Variants in SCNN1B observed in about 807,000 individuals in gnomAD.
SCNN1B encodes sodium channel epithelial 1 subunit beta.
A neutral mutation model predicts 65.3 loss-of-function variants in SCNN1B; 46 were observed. That is an observed-to-expected ratio of 0.70 (90% CI 0.56 to 0.90). The LOEUF (loss-of-function observed/expected upper bound fraction) is 0.90. Ranked by LOEUF, SCNN1B falls within the 40% of genes least tolerant of loss-of-function variation. The probability of loss-of-function intolerance (pLI) is 0.00; values close to 1 mark genes in which losing one functional copy is unlikely to be tolerated. For missense variants in SCNN1B, 751 were observed against 830.5 expected (o/e 0.90, Z 1.18); for synonymous variants, 349 against 330.6 (o/e 1.06, Z -0.60).
At chr16:23,330,506 G>A (rs1366384992) in intron 1 of SCNN1B, among the ~76,000 whole-genome samples, 3 of 152,178 alleles carry the variant, frequency 2.0e-5, no homozygotes, top group African/African-American at 7.2e-5. Context: ...CCTGTTCTCT[G>A]TGCAGTGCCT....
At chr16:23,298,850 C>T (rs1365493169), upstream of SCNN1B, among the ~76,000 whole-genome samples, 1 of 152,084 alleles carries the variant, frequency 6.6e-6, no homozygotes, top group African/African-American at 2.4e-5. Flanking sequence ...TCCCAGACAT[C>T]CCAAAACTCC....
rs1273755111 is a variant in SCNN1B at position 23,348,984 on chromosome 16, C to T, written c.311+74C>T. On this transcript the variant is annotated intron_variant, in intron 2 of 12. Coordinates refer to ENST00000343070, the MANE Select transcript of SCNN1B (RefSeq NM_000336.3). The surrounding 1 kb of genome is among the most constrained non-coding windows in gnomAD (Gnocchi z 4.5). ...CTTTCTCTCTTTTCTTCCCTTCTAC[C>T]TTTCCTTTCCTTCCTTTCCTTCCTT... 2.4e-6 allele frequency: 3 copies of T among 1,231,986 alleles called. No individual in the cohort carries two copies. The highest frequency in any genetic ancestry group is 3.4e-5 in the Admixed American group (2 of 58,566). 76.3% of individuals were successfully genotyped at this position (1,231,986 alleles called of 1,614,324 possible). A position where few individuals can be genotyped will look rare whatever the true frequency, so the allele number is the denominator to read the frequency against.
chr16:23,371,592 G>A, intron 6 of SCNN1B, 130 bp downstream of exon 6: 1 of 1,121,810 alleles, frequency 8.9e-7, no homozygotes, highest in Non-Finnish European at 1.3e-6. Flanking sequence ...CCTTTTGGCT[G>A]GAATCCCCCC....
chr16:23,333,862 C>G lies in SCNN1B; in HGVS notation c.-8-14730C>G, dbSNP rs139160576. ...AAAATAAAGACTCAGAGAGACCAAC[C>G]TATTTACGTCATGGATTGAGCCCCT... On this transcript the variant is annotated intron_variant, in intron 1 of 12. Transcript: ENST00000343070. 5.2e-3 allele frequency among the ~76,000 whole-genome samples: 796 copies of G among 152,270 alleles called. 9 individuals are homozygous for G. The highest frequency in any genetic ancestry group is 0.017 in the African/African-American group (706 of 41,560).
intron 3 of SCNN1B, 105 bp downstream of exon 3, chr16:23,353,179 T>C: frequency 7.4e-7 from 1 of 1,352,294 alleles, no homozygotes; most frequent in African/African-American, 1.4e-5. Context: ...AAAGACAAGA[T>C]GGAAGCCAGA....
intron 1 of SCNN1B, among the ~76,000 whole-genome samples, chr16:23,314,817 G>A (rs72652288): frequency 0.031 from 4,784 of 152,278 alleles, 233 homozygotes; most frequent in African/African-American, 0.11. Flanking sequence ...ATTTTCCCTG[G>A]AGGCCTGGCT....
chr16:23,303,960 T>G, intron 1 of SCNN1B: 1 of 869,708 alleles, frequency 1.1e-6, no homozygotes, highest in East Asian at 2.6e-5. Flanking sequence ...AACCCACCTA[T>G]GTCATTCTGC....
At chr16:23,376,442 T>A in intron 8 of SCNN1B, among the ~76,000 whole-genome samples, 1 of 151,940 alleles carries the variant, frequency 6.6e-6, no homozygotes, top group African/African-American at 2.4e-5. Context: ...TGTGGGCTCA[T>A]TGGGTCTCTC....
chr16:23,283,424 G>A (rs956564066), intron 1 of SCNN1B, among the ~76,000 whole-genome samples: 3 of 152,076 alleles, frequency 2.0e-5, no homozygotes, highest in Admixed American at 2.0e-4. Context: ...AAATAAGAAG[G>A]ACACTTACTT....
At chr16:23,292,884 G>A (rs1397644742) in intron 2 of SCNN1B, among the ~76,000 whole-genome samples, 1 of 151,154 alleles carries the variant, frequency 6.6e-6, no homozygotes, top group African/African-American at 2.4e-5. Context: ...GGAGCCCGAG[G>A]TGGGTGGATC....
chr16:23,283,446 T>A (rs573884927), intron 1 of SCNN1B, among the ~76,000 whole-genome samples: 5 of 152,306 alleles, frequency 3.3e-5, no homozygotes, highest in African/African-American at 1.2e-4. Context: ...AGCCTACAAT[T>A]GGGCAAAATC....
intron 2 of SCNN1B, among the ~76,000 whole-genome samples, 165 bp from the exon 3 acceptor site, chr16:23,352,636 G>C (rs574629145): frequency 6.6e-6 from 1 of 152,276 alleles, no homozygotes; most frequent in Non-Finnish European, 1.5e-5. Flanking sequence ...CAGCCATGTA[G>C]AACTGTGAGT....
Position 23,366,005 on chromosome 16 carries a change from G to C in SCNN1B, c.777-1851G>C, listed in dbSNP as rs576568676. Among the ~76,000 whole-genome samples, 693 of 152,218 alleles carry C rather than the reference G, an allele frequency of 4.6e-3. 3 individuals are homozygous for C. Among genetic ancestry groups the C allele is most frequent in the Non-Finnish European group, 8.6e-3 (583 of 68,020 alleles). ...GGGAAAATAACACCTGCCCTTGTGG[G>C]GTTATTTTGAGAATTAAATGAGATC... On this transcript the variant is annotated intron_variant, in intron 4 of 12. Coordinates refer to ENST00000343070, the MANE Select transcript of SCNN1B (RefSeq NM_000336.3).
intron 1 of SCNN1B, among the ~76,000 whole-genome samples, chr16:23,334,401 C>T (rs1961893301): frequency 6.6e-6 from 1 of 152,194 alleles, no homozygotes; most frequent in Non-Finnish European, 1.5e-5. Context: ...TATATACATG[C>T]ATACTGTATG....
At chr16:23,325,111 C>G (rs760324797) in intron 1 of SCNN1B, among the ~76,000 whole-genome samples, 2 of 152,192 alleles carry the variant, frequency 1.3e-5, no homozygotes, top group Non-Finnish European at 2.9e-5. Context: ...TCTGGTGCAG[C>G]CACCTCCTCT....
At chr16:23,351,266 C>T (rs897381133) in intron 2 of SCNN1B, among the ~76,000 whole-genome samples, 2 of 152,172 alleles carry the variant, frequency 1.3e-5, no homozygotes, top group African/African-American at 4.8e-5. Context: ...ATAAGCAGCA[C>T]CTCATTGAAT....
At chr16:23,279,154 G>C (rs1960749604) in intron 1 of SCNN1B, among the ~76,000 whole-genome samples, 1 of 151,938 alleles carries the variant, frequency 6.6e-6, no homozygotes, top group Admixed American at 6.6e-5. Flanking sequence ...TTGGCTCACT[G>C]CAACCTCTGC....
chr16:23,364,574 G>A (rs1962611161), intron 4 of SCNN1B, among the ~76,000 whole-genome samples: 1 of 152,212 alleles, frequency 6.6e-6, no homozygotes, highest in Admixed American at 6.5e-5. Context: ...CCTGACTGCT[G>A]TGCAGAAGGA....
chr16:23,312,076 G>A (rs1961356579), intron 1 of SCNN1B, among the ~76,000 whole-genome samples: 1 of 152,110 alleles, frequency 6.6e-6, no homozygotes, highest in South Asian at 2.1e-4. Context: ...GGGACCAGGG[G>A]AGTTCTGGTT....
Sources: gnomAD v4.1 joint callset for allele counts (sites outside exome capture counted in the v4.1 genomes callset) on GRCh38, gnomAD v4.1.1 for gene constraint, Gnocchi (gnomAD v3.1) non-coding constraint, MANE v1.5 for transcripts, NCBI Gene and HGNC (gene_info 2026-07-23, HGNC 2026-07-21) for gene names.